Variants in FOXP1 observed in about 807,000 individuals in gnomAD.
The protein encoded by FOXP1 is forkhead box P1, also known as forkhead box protein P1.
Under a neutral mutation model 98.2 loss-of-function variants are expected in FOXP1, and 15 were observed. The ratio of observed to expected loss-of-function variants is 0.15; its 90% CI spans 0.10 to 0.24. The LOEUF (loss-of-function observed/expected upper bound fraction) is 0.24, where lower values mean the gene tolerates loss of function less well. Among genes scored for constraint, FOXP1 ranks in the 10% least tolerant of loss-of-function variants. The pLI is 1.00. For synonymous variants in FOXP1, 371 were observed against 314.5 expected (o/e 1.18, Z -1.90); for missense variants, 633 against 848.5 (o/e 0.75, Z 3.15).
chr3:71,573,668 CTG>C (rs762357212), intron 2 of FOXP1: 13 of 152,168 alleles, frequency 8.5e-5, no homozygotes, highest in Non-Finnish European at 1.5e-5. Flanking sequence ...TAAAAGAAAA[CTG>C]GGGACTGAAC....
intron 2 of FOXP1, among the ~76,000 whole-genome samples, chr3:71,537,451 G>A (rs182315401): frequency 6.6e-6 from 1 of 152,338 alleles, no homozygotes; most frequent in African/African-American, 2.4e-5. Flanking sequence ...ATGAATGGAA[G>A]ATGCAGGATA....
At chr3:71,333,499 A>G (rs2076473659) in intron 4 of FOXP1, 1 of 152,242 alleles carries the variant, frequency 6.6e-6, no homozygotes, top group African/African-American at 2.4e-5. Context: ...GCTAAAAGAC[A>G]TTAAGAATAA....
intron 4 of FOXP1, among the ~76,000 whole-genome samples, chr3:71,347,954 CA>C (rs1295633695): frequency 6.6e-6 from 1 of 151,760 alleles, no homozygotes; most frequent in East Asian, 1.9e-4. Context: ...GGTGGATGCC[CA>C]AAACCATGAT....
At chr3:71,201,159 AC>A (rs1164778809) in intron 5 of FOXP1, among the ~76,000 whole-genome samples, 1 of 152,162 alleles carries the variant, frequency 6.6e-6, no homozygotes, top group African/African-American at 2.4e-5. Context: ...TTATATTCTT[AC>A]TGTCCACAGA....
intron 10 of FOXP1, among the ~76,000 whole-genome samples, chr3:71,044,592 T>C (rs1320650638): frequency 6.6e-6 from 1 of 152,242 alleles, no homozygotes; most frequent in East Asian, 1.9e-4. Context: ...TGTTTAAGGT[T>C]AACTCGGCAA....
chr3:71,258,064 A>G (rs1208616000), intron 5 of FOXP1, among the ~76,000 whole-genome samples: 1 of 152,212 alleles, frequency 6.6e-6, no homozygotes, highest in Non-Finnish European at 1.5e-5. Context: ...GAATATCTAC[A>G]TAGTATGCTC....
chr3:70,973,436 G>A (rs2036773531), intron 17 of FOXP1, among the ~76,000 whole-genome samples: 2 of 152,128 alleles, frequency 1.3e-5, no homozygotes, highest in South Asian at 4.1e-4. Context: ...CTTGCTTATG[G>A]TTAAAAGTCC....
intron 5 of FOXP1, among the ~76,000 whole-genome samples, chr3:71,285,608 T>C (rs2072031072): frequency 6.6e-6 from 1 of 152,202 alleles, no homozygotes; most frequent in East Asian, 1.9e-4. Flanking sequence ...GAGAAGAGAA[T>C]ATTAGAAATT....
At chr3:71,329,509 G>T (rs903851932) in intron 4 of FOXP1, among the ~76,000 whole-genome samples, 2 of 151,196 alleles carry the variant, frequency 1.3e-5, no homozygotes, top group African/African-American at 4.9e-5. Flanking sequence ...ATAAGCCACC[G>T]CGCCCGGCCA....
At chr3:71,415,616 T>C (rs1260242879) in intron 3 of FOXP1, among the ~76,000 whole-genome samples, 1 of 151,534 alleles carries the variant, frequency 6.6e-6, no homozygotes, top group Non-Finnish European at 1.5e-5. Flanking sequence ...TAACATCAAG[T>C]GAACAAAGAA....
At chr3:71,109,826 T>C (rs1161458577) in intron 7 of FOXP1, among the ~76,000 whole-genome samples, 1 of 152,140 alleles carries the variant, frequency 6.6e-6, no homozygotes, top group Non-Finnish European at 1.5e-5. Flanking sequence ...TGAGGGGTCC[T>C]TCAGCAATCG....
chr3:70,964,560 G>A (rs763238195), intron 20 of FOXP1, among the ~76,000 whole-genome samples: 1 of 152,156 alleles, frequency 6.6e-6, no homozygotes, highest in Non-Finnish European at 1.5e-5. Flanking sequence ...AACTTCGTTA[G>A]TATCTAAGTA....
At chr3:71,009,800 G>C (rs553860575) in intron 12 of FOXP1, among the ~76,000 whole-genome samples, 1 of 152,156 alleles carries the variant, frequency 6.6e-6, no homozygotes, top group African/African-American at 2.4e-5. Context: ...CTAGGCTACA[G>C]TACAGTGGCA....
chr3:71,383,978 G>A (rs1283038253), intron 3 of FOXP1, among the ~76,000 whole-genome samples: 2 of 152,196 alleles, frequency 1.3e-5, no homozygotes, highest in Non-Finnish European at 2.9e-5. Context: ...AGCACTTTGG[G>A]AGGCTGAGGT....
At chr3:71,214,216 A>C (rs1315997267) in intron 5 of FOXP1, among the ~76,000 whole-genome samples, 1 of 152,236 alleles carries the variant, frequency 6.6e-6, no homozygotes, top group Non-Finnish European at 1.5e-5. Context: ...GGTCTAAATA[A>C]GCACCTAGAC....
intron 6 of FOXP1, among the ~76,000 whole-genome samples, chr3:71,176,976 T>C (rs964141658): frequency 8.6e-5 from 13 of 150,996 alleles, no homozygotes; most frequent in Admixed American, 7.9e-4. Flanking sequence ...GGCAAGAGGA[T>C]CAATGGAACC....
intron 20 of FOXP1, among the ~76,000 whole-genome samples, chr3:70,960,040 G>A (rs1044692397): frequency 6.6e-6 from 1 of 152,174 alleles, no homozygotes; most frequent in Non-Finnish European, 1.5e-5. Flanking sequence ...CTTGCTGTGT[G>A]TTCTGCTTTG....
chr3:71,428,406 A>G (rs1319674203), intron 3 of FOXP1, among the ~76,000 whole-genome samples: 1 of 152,260 alleles, frequency 6.6e-6, no homozygotes, highest in Non-Finnish European at 1.5e-5. Context: ...AACAGTACAG[A>G]TATGCATGCC....
At chr3:71,090,714 C>T (rs981884686) in intron 7 of FOXP1, among the ~76,000 whole-genome samples, 1 of 152,142 alleles carries the variant, frequency 6.6e-6, no homozygotes, top group Non-Finnish European at 1.5e-5. Flanking sequence ...TCTGTCTTTT[C>T]TTCTCAGCAG....
Sources: gnomAD v4.1 joint callset for allele counts (sites outside exome capture counted in the v4.1 genomes callset) on GRCh38, gnomAD v4.1.1 for gene constraint, MANE v1.5 for transcripts, NCBI Gene and HGNC (gene_info 2026-07-23, HGNC 2026-07-21) for gene names.